The following APLF variants were observed in gnomAD, a reference collection of about 807,000 sequenced individuals.
APLF encodes aprataxin and PNKP like factor, also known as aprataxin and PNK-like factor.
A neutral mutation model predicts 55.6 loss-of-function variants in APLF; 61 were observed. That is an observed-to-expected ratio of 1.10 (90% confidence interval 0.89 to 1.36). The LOEUF (loss-of-function observed/expected upper bound fraction) is 1.36, where lower values mean the gene tolerates loss of function less well. Ranked by LOEUF, APLF falls within the 40% of genes most tolerant of loss-of-function variation. The probability of loss-of-function intolerance (pLI) is 0.00; values close to 1 mark genes in which losing one functional copy is unlikely to be tolerated. For missense variants in APLF, 611 were observed against 602.5 expected (o/e 1.01, Z -0.15); for synonymous variants, 207 against 214.8 (o/e 0.96, Z 0.32).
chr2:68,526,388 C>A, intron 6 of APLF, 146 bp downstream of exon 6: 1 of 1,444,476 alleles, frequency 6.9e-7, no homozygotes, highest in Non-Finnish European at 9.6e-7. Flanking sequence ...TTCAGACTTA[C>A]TGAAACTAAT....
At chr2:68,551,820 G>A (rs146506281) in intron 8 of APLF, among the ~76,000 whole-genome samples, 72 of 147,548 alleles carry the variant, frequency 4.9e-4, no homozygotes, top group Non-Finnish European at 8.9e-4. Flanking sequence ...ACGCTTTATT[G>A]CAATTCTAAC....
intron 8 of APLF, among the ~76,000 whole-genome samples, chr2:68,556,707 A>C (rs1671025444): frequency 6.6e-6 from 1 of 152,230 alleles, no homozygotes; most frequent in Admixed American, 6.5e-5. Context: ...TTGGATTACA[A>C]AACCTTAGGC....
chr2:68,557,702 A>T (rs1470460955), intron 8 of APLF, among the ~76,000 whole-genome samples: 1 of 152,162 alleles, frequency 6.6e-6, no homozygotes, highest in East Asian at 1.9e-4. Flanking sequence ...ACCTGAGGTC[A>T]GGAGTTCAAG....
intron 5 of APLF, among the ~76,000 whole-genome samples, chr2:68,522,264 CTT>C (rs148692241): frequency 7.4e-4 from 113 of 151,746 alleles, no homozygotes; most frequent in African/African-American, 2.7e-3. Context: ...TCAGGAATAA[CTT>C]GAATTATTTA....
At chr2:68,533,329 A>G (rs916108107) in intron 6 of APLF, among the ~76,000 whole-genome samples, 6 of 152,198 alleles carry the variant, frequency 3.9e-5, no homozygotes, top group African/African-American at 1.4e-4. Context: ...TATTTCCTTT[A>G]TAATCTATAT....
At chr2:68,541,472 A>G (rs911036721) in intron 7 of APLF, among the ~76,000 whole-genome samples, 8 of 152,198 alleles carry the variant, frequency 5.3e-5, no homozygotes, top group African/African-American at 1.9e-4. Flanking sequence ...AAAATGAGCA[A>G]AAGGCACTGC....
intron 3 of APLF, among the ~76,000 whole-genome samples, chr2:68,504,292 C>T (rs915966690): frequency 6.6e-6 from 1 of 151,740 alleles, no homozygotes; most frequent in African/African-American, 2.4e-5. Context: ...GATATACTTC[C>T]CAACTCATTT....
chr2:68,488,682 G>A (rs952121698), intron 1 of APLF, among the ~76,000 whole-genome samples: 11 of 151,960 alleles, frequency 7.2e-5, no homozygotes, highest in Admixed American at 5.2e-4. Flanking sequence ...CCTACTTGGA[G>A]AGTGACCTAC....
chr2:68,566,486 A>C (rs1285757392), intron 8 of APLF, among the ~76,000 whole-genome samples: 2 of 152,096 alleles, frequency 1.3e-5, no homozygotes, highest in East Asian at 1.9e-4. Flanking sequence ...CATTCAGCCA[A>C]TACTTGCTGA....
intron 2 of APLF, among the ~76,000 whole-genome samples, chr2:68,493,639 A>C (rs1676436495): frequency 6.6e-6 from 1 of 152,166 alleles, no homozygotes; most frequent in Admixed American, 6.5e-5. Context: ...ATTGACATAA[A>C]GAAATACCTG....
At chr2:68,558,836 G>A (rs1302747207) in intron 8 of APLF, among the ~76,000 whole-genome samples, 1 of 151,974 alleles carries the variant, frequency 6.6e-6, no homozygotes, top group Non-Finnish European at 1.5e-5. Context: ...AGTGTGTGTT[G>A]TTCCCCCCAG....
rs949447946 is a variant in APLF, at chr2:68,525,841, C to T, written c.623-220C>T. Among the ~76,000 whole-genome samples, 27 of 143,862 alleles carry T rather than the reference C, an allele frequency of 1.9e-4. 1 individual carries two copies. Among genetic ancestry groups the T allele is most frequent in the African/African-American group, 7.0e-4 (27 of 38,554 alleles). The allele number at this position is 143,862 out of a possible 152,430, so 94.4% of individuals were successfully genotyped here. On this transcript the variant is annotated intron_variant, in intron 5 of 9. Coordinates refer to ENST00000303795, the MANE Select transcript of APLF (RefSeq NM_173545.3). ...CTCGGCTCACTGCAACCTCCACCTCCTGGGTTCAAGTGATTCTTATGCCTC... is the reference window on the plus strand; with the variant it reads ...CTCGGCTCACTGCAACCTCCACCTCTTGGGTTCAAGTGATTCTTATGCCTC...
intron 8 of APLF, among the ~76,000 whole-genome samples, chr2:68,554,870 G>A (rs1420903062): frequency 2.6e-5 from 4 of 151,834 alleles, no homozygotes; most frequent in African/African-American, 9.7e-5. Context: ...AGCAAAAAGA[G>A]CAAATCTGGA....
chr2:68,481,760 G>A lies in APLF; in HGVS notation c.97-8430G>A, dbSNP rs369973221. ...TAATGTGAATATTTGTTCGCTTAAT[G>A]TTGTCCCATAAATTCAATCGGTTTT... On this transcript the variant is annotated intron_variant, in intron 1 of 9. Coordinates refer to ENST00000303795, the MANE Select transcript of APLF (RefSeq NM_173545.3). Among the ~76,000 whole-genome samples the A allele has an allele frequency of 2.0e-5, 3 of 152,114 alleles. No individual in the cohort carries two copies. In the South Asian group the frequency reaches 6.2e-4, roughly 32 times the overall value.
intron 5 of APLF, among the ~76,000 whole-genome samples, chr2:68,517,240 GT>G (rs1669625442): frequency 1.0e-5 from 1 of 96,210 alleles, no homozygotes; most frequent in East Asian, 2.4e-4. Context: ...ATTAATATAT[GT>G]CATTACTATA....
At chr2:68,515,377 G>A (rs1457557522) in intron 5 of APLF, among the ~76,000 whole-genome samples, 1 of 151,646 alleles carries the variant, frequency 6.6e-6, no homozygotes, top group African/African-American at 2.4e-5. Flanking sequence ...TTGTAGTGGG[G>A]AGGGGCAGAC....
rs57329153 is a variant in APLF, at chr2:68,521,457, A to G, written c.623-4604A>G. Among the ~76,000 whole-genome samples the G allele has an allele frequency of 6.5e-3, 982 of 151,964 alleles. 7 individuals carry two copies. Among genetic ancestry groups the G allele is most frequent in the African/African-American group, 0.023 (938 of 41,498 alleles). ...TAATTTATTTTATTTTTTATGTCTCAGGTACTAGTTCTTGGATGTTGTCAT... is the reference window on the plus strand; with the variant it reads ...TAATTTATTTTATTTTTTATGTCTCGGGTACTAGTTCTTGGATGTTGTCAT... On this transcript the variant is annotated intron_variant, in intron 5 of 9. Transcript: ENST00000303795.
At chr2:68,567,431 T>C (rs374236112) in intron 9 of APLF, 44 bp downstream of exon 9, 2 of 1,435,686 alleles carry the variant, frequency 1.4e-6, no homozygotes, top group Non-Finnish European at 1.9e-6. Flanking sequence ...AACCTTTAAA[T>C]GATTTTCCTA....
intron 9 of APLF, among the ~76,000 whole-genome samples, chr2:68,573,822 G>A (rs537199541): frequency 6.6e-6 from 1 of 152,026 alleles, no homozygotes; most frequent in South Asian, 2.1e-4. Context: ...CTTTTTGTTG[G>A]GTAAGATGTG....
Sources: allele counts gnomAD v4.1 joint callset (sites outside exome capture counted in the v4.1 genomes callset), GRCh38; gene constraint gnomAD v4.1.1; transcripts MANE v1.5; gene names NCBI Gene and HGNC (gene_info 2026-07-23, HGNC 2026-07-21).